Variants in PMEPA1 observed in about 807,000 individuals in gnomAD.
PMEPA1 encodes prostate transmembrane protein, androgen induced 1.
In PMEPA1, 11 loss-of-function variants were observed where a neutral mutation model predicts 23.0. The ratio of observed to expected loss-of-function variants is 0.48; its 90% CI spans 0.30 to 0.79. The LOEUF is 0.79. PMEPA1 is among the 30% of genes least tolerant of loss of function. The pLI, the probability that PMEPA1 is intolerant of heterozygous loss-of-function variation, is 0.06. For synonymous variants in PMEPA1, 204 were observed against 166.4 expected (o/e 1.23, Z -1.74); for missense variants, 377 against 390.9 (o/e 0.96, Z 0.30).
At chr20:57,663,543 C>G (rs6015055) in intron 1 of PMEPA1, among the ~76,000 whole-genome samples, 3,444 of 152,326 alleles carry the variant, frequency 0.023, 107 homozygotes, top group African/African-American at 0.071. Context: ...TCCACCAGAA[C>G]AAGGGTGGCC....
At chr20:57,671,569 T>C (rs566359333) in intron 1 of PMEPA1, among the ~76,000 whole-genome samples, 1 of 152,326 alleles carries the variant, frequency 6.6e-6, no homozygotes, top group South Asian at 2.1e-4. Context: ...CACACATATA[T>C]ATCCCTGTTC....
Position 57,704,738 on chromosome 20 carries a change from C to G in PMEPA1, c.109+4736G>C, listed in dbSNP as rs994861262. ...TTGACCGGACTATAAACGTTTAAAC[C>G]CCCTGGCCCTGGGCCACGATGGGAG... On this transcript the variant is annotated intron_variant, in intron 1 of 3. Coordinates refer to ENST00000341744, the MANE Select transcript of PMEPA1 (RefSeq NM_020182.5). The surrounding 1 kb of genome is among the most constrained non-coding windows in gnomAD (Gnocchi z 4.6). Among the ~76,000 whole-genome samples the G allele has an allele frequency of 6.6e-6, 1 of 152,184 alleles. No individual in the cohort carries two copies. Among genetic ancestry groups the G allele is most frequent in the Admixed American group, 6.5e-5 (1 of 15,286 alleles).
At chr20:57,690,635 C>A in intron 1 of PMEPA1, 5 of 1,151,996 alleles carry the variant, frequency 4.3e-6, no homozygotes, top group Middle Eastern at 3.9e-4. Context: ...CAGGCGCGCA[C>A]CCCAGCCTGC....
At chr20:57,710,576 A>G (rs1474954096), upstream of PMEPA1, 2 of 1,133,936 alleles carry the variant, frequency 1.8e-6, no homozygotes, top group Admixed American at 4.6e-5. Flanking sequence ...ACCAGGAAAG[A>G]CGGGAACTCG....
chr20:57,683,881 G>A lies in PMEPA1; in HGVS notation c.110-24184C>T, dbSNP rs948947668. ...TAAACCCATGCGGGGCACAATGGGA[G>A]TAGCTGCTCAACAGACCACTCCTGC... is the stretch of plus-strand genomic sequence containing the variant. On this transcript the variant is annotated intron_variant, in intron 1 of 3. Coordinates refer to ENST00000341744, the MANE Select transcript of PMEPA1 (RefSeq NM_020182.5). This position sits in a 1 kb window ranked among gnomAD's most constrained non-coding sequence, Gnocchi z 4.3. Among the ~76,000 whole-genome samples the A allele has an allele frequency of 1.3e-5, 2 of 152,132 alleles. No homozygotes were observed. The highest frequency in any genetic ancestry group is 1.3e-4 in the Admixed American group (2 of 15,276).
chr20:57,652,969 G>C lies in PMEPA1; in HGVS notation c.318+64C>G. The C allele has an allele frequency of 7.3e-7, 1 of 1,373,540 alleles. No homozygotes were observed. The highest frequency in any genetic ancestry group is 1.2e-5 in the South Asian group (1 of 81,202). 85.1% of individuals were successfully genotyped at this position (1,373,540 alleles called of 1,614,324 possible). On this transcript the variant is annotated intron_variant, in intron 3 of 3. Transcript: ENST00000341744. The surrounding 1 kb of genome is among the most constrained non-coding windows in gnomAD (Gnocchi z 6.1). ...GCCTTTAGCAGCCCACACTGTTCCA[G>C]CCGCAGCGGGAGCAGCCCAGGGTGG...
intron 1 of PMEPA1, among the ~76,000 whole-genome samples, chr20:57,685,923 C>G (rs554313271): frequency 6.6e-6 from 1 of 152,216 alleles, no homozygotes; most frequent in Admixed American, 6.5e-5. Flanking sequence ...GCATTTTAGC[C>G]CTTCTCATAC....
chr20:57,672,928 C>T (rs2071589073), intron 1 of PMEPA1, among the ~76,000 whole-genome samples: 1 of 152,224 alleles, frequency 6.6e-6, no homozygotes, highest in Admixed American at 6.5e-5. Flanking sequence ...AAGCGGAATA[C>T]CACTAGCACC....
chr20:57,665,964 C>T (rs1016820619), intron 1 of PMEPA1, among the ~76,000 whole-genome samples: 1 of 152,244 alleles, frequency 6.6e-6, no homozygotes, highest in South Asian at 2.1e-4. Flanking sequence ...GAAGGAGAAA[C>T]ATCTCGCTCT....
chr20:57,678,628 G>A (rs771534946), intron 1 of PMEPA1, among the ~76,000 whole-genome samples: 5 of 152,158 alleles, frequency 3.3e-5, no homozygotes, highest in Non-Finnish European at 5.9e-5. Flanking sequence ...ACCATCTCTC[G>A]GCTGTCATCT....
intron 1 of PMEPA1, among the ~76,000 whole-genome samples, chr20:57,667,343 C>T (rs115821644): frequency 0.016 from 2,480 of 152,218 alleles, 77 homozygotes; most frequent in African/African-American, 0.057. Context: ...GAGAGGGTCG[C>T]TGGAAAATTT....
intron 1 of PMEPA1, among the ~76,000 whole-genome samples, chr20:57,666,990 C>T (rs558550641): frequency 5.3e-5 from 8 of 152,304 alleles, no homozygotes; most frequent in African/African-American, 1.9e-4. Flanking sequence ...GGCACGTGTG[C>T]GATACAGAAA....
Position 57,651,567 on chromosome 20 carries a change from CAA to C in PMEPA1, c.*484_*485del, listed in dbSNP as rs1458998111. The C allele has an allele frequency of 6.7e-6, 1 of 149,160 alleles. No homozygotes were observed. Among genetic ancestry groups the C allele is most frequent in the Non-Finnish European group, 1.5e-5 (1 of 66,690 alleles). 9.2% of individuals were successfully genotyped at this position (149,160 alleles called of 1,614,324 possible). ...TTTTTTCCTCTTCTAGTTCAGAAAA[CAA>C]CTTTTTTTTTTAATAGGCCTCTTCT... On this transcript the variant is annotated 3_prime_UTR_variant, in exon 4 of 4. Transcript: ENST00000341744.
upstream of PMEPA1, chr20:57,710,666 C>G: frequency 1.9e-6 from 1 of 536,092 alleles, no homozygotes; most frequent in South Asian, 2.7e-5. Context: ...CCGGCGGGAC[C>G]TGGGGCGAAT....
chr20:57,659,519 C>T, intron 2 of PMEPA1, 24 bp downstream of exon 2: 1 of 1,610,592 alleles, frequency 6.2e-7, no homozygotes, highest in East Asian at 2.2e-5. Flanking sequence ...CCTCAGGCCA[C>T]AGATGGGATG....
At chr20:57,690,717 T>A in intron 1 of PMEPA1, 1 of 500,944 alleles carries the variant, frequency 2.0e-6, no homozygotes, top group Non-Finnish European at 3.0e-6. Context: ...CTGAGTTTTG[T>A]AAGTGACACG....
At chr20:57,687,516 A>G (rs2071817244) in intron 1 of PMEPA1, among the ~76,000 whole-genome samples, 1 of 151,722 alleles carries the variant, frequency 6.6e-6, no homozygotes, top group Non-Finnish European at 1.5e-5. Context: ...CAATTGCCAC[A>G]CTCCTTCTCA....
chr20:57,667,633 C>T (rs912616893), intron 1 of PMEPA1, among the ~76,000 whole-genome samples: 3 of 152,292 alleles, frequency 2.0e-5, no homozygotes, highest in Admixed American at 6.5e-5. Context: ...TGCATGGGGC[C>T]CTGTCTGGCC....
At position 57,684,337 on chromosome 20, in the gene PMEPA1, C is replaced by T. The variant is rs193162119; in HGVS notation, c.110-24640G>A. On this transcript the variant is annotated intron_variant, in intron 1 of 3. Coordinates refer to ENST00000341744, the MANE Select transcript of PMEPA1 (RefSeq NM_020182.5). ...TGACTTCTCTCCACCCCGCAGCCCT[C>T]GCTCCAGAAGGGAACTCGGAAGCCT... Among the ~76,000 whole-genome samples the T allele has an allele frequency of 3.6e-3, 542 of 152,076 alleles. 5 individuals carry two copies. Among genetic ancestry groups the T allele is most frequent in the African/African-American group, 0.013 (521 of 41,484 alleles).
Sources: allele counts gnomAD v4.1 joint callset (sites outside exome capture counted in the v4.1 genomes callset), GRCh38; gene constraint gnomAD v4.1.1; non-coding constraint Gnocchi (gnomAD v3.1); transcripts MANE v1.5; gene names NCBI Gene and HGNC (gene_info 2026-07-23, HGNC 2026-07-21).